The following KIDINS220 variants were observed in gnomAD, a reference collection of about 807,000 sequenced individuals.
KIDINS220 encodes the protein kinase D interacting substrate 220.
A neutral mutation model predicts 157.6 loss-of-function variants in KIDINS220; 63 were observed. The ratio of observed to expected loss-of-function variants is 0.40; its 90% confidence interval spans 0.33 to 0.49. The LOEUF is 0.49. Ranked by LOEUF, KIDINS220 falls within the 20% of genes least tolerant of loss-of-function variation. The pLI, the probability that KIDINS220 is intolerant of heterozygous loss-of-function variation, is 0.66. For synonymous variants in KIDINS220, 732 were observed against 783.6 expected, an observed-to-expected ratio of 0.93 and a Z score of 1.10; for missense variants, 1,772 against 2,171.2, an observed-to-expected ratio of 0.82 and a Z score of 3.65.
intron 2 of KIDINS220, among the ~76,000 whole-genome samples, chr2:8,824,451 C>T (rs969289266): frequency 6.6e-6 from 1 of 152,216 alleles, no homozygotes; most frequent in Non-Finnish European, 1.5e-5. Flanking sequence ...GAGGTCGAGG[C>T]GGGCAGACAG....
chr2:8,822,626 C>CA (rs1256579066), intron 2 of KIDINS220, among the ~76,000 whole-genome samples: 5 of 150,880 alleles, frequency 3.3e-5, no homozygotes, highest in African/African-American at 9.7e-5. Context: ...GGCCCTGTCT[C>CA]AAAAAAAATA....
At position 8,729,876 on chromosome 2, in the gene KIDINS220, A is replaced by G; in HGVS notation, c.*844T>C. ...ACCCATGTCTCCCTGATTTTCCAGA[A>G]AAAGAATTCATGTTTTTTTTTCTTC... On this transcript the variant is annotated 3_prime_UTR_variant, in exon 30 of 30. Coordinates refer to ENST00000256707, the MANE Select transcript of KIDINS220 (RefSeq NM_020738.4). The G allele has an allele frequency of 1.0e-6, 1 of 985,294 alleles. No homozygotes were observed. The highest frequency in any genetic ancestry group is 4.7e-5 in the South Asian group (1 of 21,288). 61.0% of individuals were successfully genotyped at this position (985,294 alleles called of 1,614,324 possible). A position where few individuals can be genotyped will look rare whatever the true frequency, so the allele number is the denominator to read the frequency against.
intron 22 of KIDINS220, among the ~76,000 whole-genome samples, chr2:8,756,831 G>A (rs1035040698): frequency 4.6e-5 from 7 of 152,130 alleles, no homozygotes; most frequent in Non-Finnish European, 8.8e-5. Context: ...GCTTCAACAC[G>A]AAAATTTTGG....
At chr2:8,819,538 G>A (rs538819028) in intron 2 of KIDINS220, among the ~76,000 whole-genome samples, 12 of 152,238 alleles carry the variant, frequency 7.9e-5, no homozygotes, top group African/African-American at 2.9e-4. Flanking sequence ...CAAATACCAG[G>A]TTAGGCCGAG....
At chr2:8,786,778 A>G (rs1215260226) in intron 15 of KIDINS220, among the ~76,000 whole-genome samples, 1 of 152,212 alleles carries the variant, frequency 6.6e-6, no homozygotes, top group African/African-American at 2.4e-5. Context: ...CCCTGAAAAA[A>G]TATTAATTAC....
chr2:8,785,680 G>A, intron 17 of KIDINS220, 61 bp downstream of exon 17: 1 of 1,407,100 alleles, frequency 7.1e-7, no homozygotes, highest in Non-Finnish European at 9.8e-7. Flanking sequence ...AAGCCCAAAT[G>A]AGCATGGCAG....
chr2:8,735,934 AC>A (rs1432869576), intron 27 of KIDINS220, among the ~76,000 whole-genome samples: 1 of 151,750 alleles, frequency 6.6e-6, no homozygotes, highest in East Asian at 1.9e-4. Context: ...CGTGTGGGAG[AC>A]CCCGCTCTTT....
intron 7 of KIDINS220, among the ~76,000 whole-genome samples, chr2:8,804,372 G>C (rs1675146696): frequency 6.6e-6 from 1 of 152,146 alleles, no homozygotes; most frequent in Non-Finnish European, 1.5e-5. Flanking sequence ...TATTTTAACT[G>C]TTTCTTATGC....
intron 28 of KIDINS220, among the ~76,000 whole-genome samples, chr2:8,734,315 C>G (rs1386624782): frequency 1.3e-5 from 2 of 152,112 alleles, no homozygotes; most frequent in Admixed American, 1.3e-4. Context: ...AATGCAAGCC[C>G]TATAAGGATG....
rs185180958 is a variant in KIDINS220, at chr2:8,799,797, T to A, written c.900+603A>T. Among the ~76,000 whole-genome samples the A allele has an allele frequency of 2.9e-4, 44 of 152,298 alleles. No homozygotes were observed. The East Asian group carries it at 6.9e-3, about 24-fold the overall frequency. On this transcript the variant is annotated intron_variant, in intron 9 of 29. Coordinates refer to ENST00000256707, the MANE Select transcript of KIDINS220 (RefSeq NM_020738.4). ...AAATGTAGACTGTCCAACAACAAAA[T>A]GAAGACGCCAAGAACTTTTTCTAAA...
At chr2:8,783,771 T>C (rs914712482) in intron 17 of KIDINS220, among the ~76,000 whole-genome samples, 17 of 152,124 alleles carry the variant, frequency 1.1e-4, no homozygotes, top group Admixed American at 1.0e-3. Flanking sequence ...ATAAGATCTA[T>C]ATGAGAAAAA....
intron 22 of KIDINS220, among the ~76,000 whole-genome samples, chr2:8,766,405 C>A (rs1162522679): frequency 6.6e-6 from 1 of 152,220 alleles, no homozygotes; most frequent in Non-Finnish European, 1.5e-5. Context: ...TTACTTAATG[C>A]AGAACCTGCA....
intron 22 of KIDINS220, among the ~76,000 whole-genome samples, chr2:8,758,199 A>G (rs16866788): frequency 0.017 from 2,524 of 152,278 alleles, 34 homozygotes; most frequent in East Asian, 0.053. Flanking sequence ...TCAACATTAA[A>G]TCTGATGATA....
chr2:8,804,602 G>A (rs1675182202), intron 7 of KIDINS220, among the ~76,000 whole-genome samples: 1 of 152,068 alleles, frequency 6.6e-6, no homozygotes, highest in African/African-American at 2.4e-5. Flanking sequence ...ATAAGGCACA[G>A]CTAAAAATAT....
chr2:8,761,590 GT>G (rs1051690769), intron 22 of KIDINS220, among the ~76,000 whole-genome samples: 1 of 151,344 alleles, frequency 6.6e-6, no homozygotes, highest in African/African-American at 2.4e-5. Flanking sequence ...GTGATTCTCA[GT>G]GCTGAAAAAT....
At chr2:8,747,103 A>G in intron 26 of KIDINS220, 42 bp downstream of exon 26, 7 of 1,569,424 alleles carry the variant, frequency 4.5e-6, no homozygotes, top group Non-Finnish European at 6.1e-6. Context: ...AGGCAGAAGC[A>G]ATGAGATGCC....
At chr2:8,826,936 C>T (rs1040866718) in intron 2 of KIDINS220, 50 bp downstream of exon 2, 1 of 984,616 alleles carries the variant, frequency 1.0e-6, no homozygotes, top group Non-Finnish European at 1.6e-6. Flanking sequence ...ACATAGCAGG[C>T]AGTCAACAAA....
chr2:8,728,862 C>T lies in KIDINS220; in HGVS notation c.*1858G>A. The T allele has an allele frequency of 1.4e-5, 14 of 985,300 alleles. No individual in the cohort carries two copies. The highest frequency in any genetic ancestry group is 1.7e-5 in the Non-Finnish European group (14 of 829,666). 61.0% of individuals were successfully genotyped at this position (985,300 alleles called of 1,614,324 possible). On this transcript the variant is annotated 3_prime_UTR_variant, in exon 30 of 30. Coordinates refer to ENST00000256707, the MANE Select transcript of KIDINS220 (RefSeq NM_020738.4). Reference sequence around the variant, plus strand: ...CTTCAGACATGTGACAAAACAAACACACAAACTACTTTTATTTTTAATCAA... The same window carrying T: ...CTTCAGACATGTGACAAAACAAACATACAAACTACTTTTATTTTTAATCAA...
chr2:8,808,778 GT>G (rs1172057800), intron 6 of KIDINS220, among the ~76,000 whole-genome samples: 1 of 151,994 alleles, frequency 6.6e-6, no homozygotes, highest in Non-Finnish European at 1.5e-5. Flanking sequence ...TTCCTAATAG[GT>G]CTCTGAATGA....
Sources: allele counts gnomAD v4.1 joint callset (sites outside exome capture counted in the v4.1 genomes callset), GRCh38; gene constraint gnomAD v4.1.1; transcripts MANE v1.5; gene names NCBI Gene and HGNC (gene_info 2026-07-23, HGNC 2026-07-21).